IGFL4: variants seen among roughly 807,000 people sequenced by gnomAD.
The protein encoded by IGFL4 is insulin growth factor-like family member 4.
In IGFL4, 12 loss-of-function variants were observed where a neutral mutation model predicts 15.4. That is an observed-to-expected ratio of 0.78 (90% CI 0.50 to 1.26). The LOEUF (loss-of-function observed/expected upper bound fraction) is 1.26. Ranked by LOEUF, IGFL4 falls within the 50% of genes most tolerant of loss-of-function variation. IGFL4 has a pLI of 0.00. For missense variants in IGFL4, 126 were observed against 147.8 expected (o/e 0.85, Z 0.76); for synonymous variants, 54 against 55.9 (o/e 0.97, Z 0.16).
At position 46,063,347 on chromosome 19, in the gene IGFL4, ACAC is replaced by A. The variant is rs1387420251; in HGVS notation, c.-431-3057_-431-3055del. Among the ~76,000 whole-genome samples the A allele has an allele frequency of 5.0e-3, 761 of 151,810 alleles. 11 individuals carry two copies. The highest frequency in any genetic ancestry group is 0.017 in the African/African-American group (722 of 41,348). Reference sequence around the variant, plus strand: ...AACACACACGCATGCACACACACACACACACACACACACACACACATACACGAT... The same window carrying A: ...AACACACACGCATGCACACACACACAACACACACACACACACATACACGAT... On this transcript the variant is annotated intron_variant, in intron 1 of 5. Coordinates refer to the IGFL4 transcript ENST00000601672.
rs538838109 is a variant in IGFL4, at chr19:46,049,724, T to C, written c.-322-8614A>G. On this transcript the variant is annotated intron_variant, in intron 2 of 5. Transcript: ENST00000601672. ...ACAAAGGACACAGTCTCTTGGGAGC[T>C]CTATAGCCCTGCCCATCACCTGAGA... is the stretch of plus-strand genomic sequence containing the variant. Among the ~76,000 whole-genome samples the C allele has an allele frequency of 7.2e-5, 11 of 152,116 alleles. No individual in the cohort carries two copies. The South Asian group carries it at 2.3e-3, about 32-fold the overall frequency.
In IGFL4 at chr19:46,039,822, A is replaced by G; in HGVS notation, c.*70T>C. 1.5e-6 allele frequency: 2 copies of G among 1,342,688 alleles called. No homozygotes were observed. The highest frequency in any genetic ancestry group is 2.1e-6 in the Non-Finnish European group (2 of 933,026). 83.2% of individuals were successfully genotyped at this position (1,342,688 alleles called of 1,614,324 possible). On this transcript the variant is annotated 3_prime_UTR_variant, in exon 4 of 4. Transcript: ENST00000377697. Reference sequence around the variant, plus strand: ...GTGAAACTCTGTCACAACAACAACAAAATCAATGCAGTATAATTACCAAGT... The same window carrying G: ...GTGAAACTCTGTCACAACAACAACAGAATCAATGCAGTATAATTACCAAGT...
chr19:46,076,531 G>C (rs1370007032), intron 1 of IGFL4, among the ~76,000 whole-genome samples: 1 of 152,000 alleles, frequency 6.6e-6, no homozygotes, highest in South Asian at 2.1e-4. Context: ...GGACTGTGCA[G>C]TCCTTTTTTA....
upstream of IGFL4, among the ~76,000 whole-genome samples, chr19:46,045,009 GAGAA>G (rs550168346): frequency 1.3e-3 from 201 of 152,284 alleles, no homozygotes; most frequent in African/African-American, 4.2e-3. Flanking sequence ...CCACACAGAT[GAGAA>G]AGAATCAATG....
intron 2 of IGFL4, among the ~76,000 whole-genome samples, chr19:46,053,453 G>A (rs951919291): frequency 6.6e-6 from 1 of 152,110 alleles, no homozygotes; most frequent in Non-Finnish European, 1.5e-5. Flanking sequence ...GGCCTCGAGT[G>A]ATCCCACCTA....
At chr19:46,041,111 C>T, upstream of IGFL4, 1 of 659,600 alleles carries the variant, frequency 1.5e-6, no homozygotes, top group East Asian at 2.9e-5. Flanking sequence ...GCAAAAAGAG[C>T]TGCAGGGAAC....
At chr19:46,056,440 T>C (rs1386250837) in intron 2 of IGFL4, among the ~76,000 whole-genome samples, 1 of 152,216 alleles carries the variant, frequency 6.6e-6, no homozygotes, top group Non-Finnish European at 1.5e-5. Context: ...GGCATTTCAA[T>C]TATTCTCCAA....
At chr19:46,070,318 T>C (rs1969534220) in intron 1 of IGFL4, among the ~76,000 whole-genome samples, 1 of 152,124 alleles carries the variant, frequency 6.6e-6, no homozygotes, top group Non-Finnish European at 1.5e-5. Context: ...GGCTGGAACT[T>C]GGCACTGGAG....
intron 1 of IGFL4, among the ~76,000 whole-genome samples, chr19:46,076,730 T>C (rs1969602287): frequency 6.7e-6 from 1 of 150,306 alleles, no homozygotes; most frequent in Admixed American, 6.6e-5. Flanking sequence ...AAATAATAAA[T>C]ATCCTGGTGT....
chr19:46,068,711 G>A (rs1426144130), intron 1 of IGFL4, among the ~76,000 whole-genome samples: 1 of 152,160 alleles, frequency 6.6e-6, no homozygotes, highest in Non-Finnish European at 1.5e-5. Flanking sequence ...GGAACCGCCG[G>A]GAAAGACTTT....
At chr19:46,070,505 A>G (rs984084771) in intron 1 of IGFL4, among the ~76,000 whole-genome samples, 1 of 152,126 alleles carries the variant, frequency 6.6e-6, no homozygotes, top group African/African-American at 2.4e-5. Context: ...AAAAAAAAAA[A>G]GGAATTTTAT....
At chr19:46,072,865 C>T (rs1016732145) in intron 1 of IGFL4, among the ~76,000 whole-genome samples, 3 of 151,650 alleles carry the variant, frequency 2.0e-5, no homozygotes, top group Non-Finnish European at 4.4e-5. Flanking sequence ...TGGTTCAGAG[C>T]GGGGGCTCTG....
chr19:46,041,089 G>C, upstream of IGFL4: 1 of 845,456 alleles, frequency 1.2e-6, no homozygotes, highest in Non-Finnish European at 1.8e-6. Context: ...GTGGTTTCTT[G>C]GGAAGAGTTA....
intron 1 of IGFL4, among the ~76,000 whole-genome samples, chr19:46,069,461 C>G (rs1456600268): frequency 2.0e-5 from 3 of 152,148 alleles, no homozygotes; most frequent in African/African-American, 7.2e-5. Context: ...CCTACCCTCC[C>G]CAAAGGTAAC....
In IGFL4 at chr19:46,040,075, G is replaced by C; in HGVS notation, c.330+82C>G. On this transcript the variant is annotated intron_variant, in intron 3 of 3. Coordinates refer to ENST00000377697, the MANE Select transcript of IGFL4 (RefSeq NM_001002923.3). This position sits in a 1 kb window ranked among gnomAD's most constrained non-coding sequence, Gnocchi z 4.1. ...GAAGGTATGGAACCCAGCAGAGACTGCACATCTGGGTGGGACATGGACAAC... is the reference window on the plus strand; with the variant it reads ...GAAGGTATGGAACCCAGCAGAGACTCCACATCTGGGTGGGACATGGACAAC... 6.5e-7 allele frequency: 1 copy of C among 1,550,022 alleles called. No homozygotes were observed. Among genetic ancestry groups the C allele is most frequent in the Non-Finnish European group, 8.9e-7 (1 of 1,123,910 alleles).
At chr19:46,042,137 G>GTA (rs1969252482), upstream of IGFL4, among the ~76,000 whole-genome samples, 1 of 40,036 alleles carries the variant, frequency 2.5e-5, no homozygotes, top group East Asian at 1.7e-3. Context: ...TTGCACTCCA[G>GTA]CCTGGCCTCT....
chr19:46,049,362 G>T (rs970363646), intron 2 of IGFL4, among the ~76,000 whole-genome samples: 1 of 152,226 alleles, frequency 6.6e-6, no homozygotes, highest in African/African-American at 2.4e-5. Flanking sequence ...GAGGCTTGTA[G>T]CCTGGGGCAA....
chr19:46,072,829 T>C (rs886969270), intron 1 of IGFL4, among the ~76,000 whole-genome samples: 1 of 152,058 alleles, frequency 6.6e-6, no homozygotes, highest in Non-Finnish European at 1.5e-5. Flanking sequence ...AAATGTTGGC[T>C]TGGTGTGTAA....
In IGFL4 at chr19:46,040,160, G is replaced by T; in HGVS notation, c.327C>A (p.Ala109=). 6.2e-7 allele frequency: 1 copy of T among 1,613,618 alleles called. No homozygotes were observed. Among genetic ancestry groups the T allele is most frequent in the Admixed American group, 1.7e-5 (1 of 60,018 alleles). The change falls in exon 3 of 4, where the codon GCC becomes GCA. Residue 109 remains alanine (A), a synonymous_variant. Transcript: ENST00000377697. The surrounding 1 kb of genome is among the most constrained non-coding windows in gnomAD (Gnocchi z 4.1). ...TGGACTGGAGTCAGATCCTTACCTG[G>T]GCACAGATCCTGGTGATAGGGGAGG... ...CKSSPITRIC[A]QEYHPKSPVS...
Sources: gnomAD v4.1 joint callset for allele counts (sites outside exome capture counted in the v4.1 genomes callset) on GRCh38, gnomAD v4.1.1 for gene constraint, Gnocchi (gnomAD v3.1) non-coding constraint, MANE v1.5 for transcripts, NCBI Gene and HGNC (gene_info 2026-07-23, HGNC 2026-07-21) for gene names.